The following WWOX variants were observed in gnomAD, a reference collection of about 807,000 sequenced individuals.
WWOX encodes the protein WW domain containing oxidoreductase.
Under a neutral mutation model 46.2 loss-of-function variants are expected in WWOX, and 69 were observed. The observed-to-expected ratio is 1.49, with a 90% confidence interval of 1.23 to 1.82. The LOEUF (loss-of-function observed/expected upper bound fraction) is 1.82. WWOX is among the 40% of genes most tolerant of loss of function. The probability of loss-of-function intolerance (pLI) is 0.00; values close to 1 mark genes in which losing one functional copy is unlikely to be tolerated. For synonymous variants in WWOX, 359 were observed against 202.6 expected (o/e 1.77, Z -6.56); for missense variants, 919 against 542.6 (o/e 1.69, Z -6.89).
chr16:79,045,582 C>G (rs1022302860), intron 8 of WWOX, among the ~76,000 whole-genome samples: 2 of 152,030 alleles, frequency 1.3e-5, no homozygotes, highest in Non-Finnish European at 2.9e-5. Context: ...TTTAAAGCCT[C>G]AAAACAATCT....
At position 78,669,258 on chromosome 16, in the gene WWOX, T is replaced by C. The variant is rs189363404; in HGVS notation, c.1056+236506T>C. The stretch of plus-strand genomic sequence containing the variant: ...TATGGCCCTTCCCTCACATTTGCTG[T>C]CCCAAGTGTCCCATGGCAGTGCCTA... On this transcript the variant is annotated intron_variant, in intron 8 of 8. Transcript: ENST00000566780. Among the ~76,000 whole-genome samples, 774 of 152,324 alleles carry C rather than the reference T, an allele frequency of 5.1e-3. 3 individuals are homozygous for C. Among genetic ancestry groups the C allele is most frequent in the Non-Finnish European group, 6.0e-3 (410 of 68,024 alleles).
chr16:78,567,583 G>GT (rs201892418), intron 8 of WWOX, among the ~76,000 whole-genome samples: 2,272 of 145,482 alleles, frequency 0.016, 37 homozygotes, highest in African/African-American at 0.037. Flanking sequence ...AAAGAAGTGA[G>GT]TTTTTTTTGT....
chr16:79,211,976 G>A lies in WWOX; in HGVS notation c.*180G>A, dbSNP rs963074426. 2.6e-6 allele frequency: 4 copies of A among 1,536,084 alleles called. No homozygotes were observed. The highest frequency in any genetic ancestry group is 3.5e-6 in the Non-Finnish European group (4 of 1,146,910). ...CCAATGGGAAGCAGGGAATTCCTGG[G>A]GTAAAGTATCACTTTTCTGGGGCTG... is the stretch of plus-strand genomic sequence containing the variant. On this transcript the variant is annotated 3_prime_UTR_variant, in exon 9 of 9. Coordinates refer to ENST00000566780, the MANE Select transcript of WWOX (RefSeq NM_016373.4).
In WWOX at chr16:78,119,349, G is replaced by C. The variant is rs564387939; in HGVS notation, c.409+4195G>C. ...GAGGAAGGTCCCTGCTTCGTTTTTA[G>C]ACACAGCCTATCAGTCAGCTAATTT... On this transcript the variant is annotated intron_variant, in intron 4 of 8. Coordinates refer to ENST00000566780, the MANE Select transcript of WWOX (RefSeq NM_016373.4). Among the ~76,000 whole-genome samples, 3 of 152,262 alleles carry C rather than the reference G, an allele frequency of 2.0e-5. No homozygotes were observed. In the South Asian group the frequency reaches 6.2e-4, roughly 32 times the overall value.
intron 8 of WWOX, among the ~76,000 whole-genome samples, chr16:78,995,075 A>T (rs2046963157): frequency 6.8e-6 from 1 of 147,742 alleles, no homozygotes; most frequent in Admixed American, 6.9e-5. Context: ...AGTCTGGAGG[A>T]TGCCGAGGAG....
At chr16:78,504,668 C>G (rs1877277) in intron 8 of WWOX, among the ~76,000 whole-genome samples, 127,901 of 152,144 alleles carry the variant, frequency 0.84, 56,261 homozygotes, top group Non-Finnish European at 0.96. Context: ...CTGAACACAT[C>G]TCTGTGCATC....
chr16:78,859,545 A>G (rs1309746407), intron 8 of WWOX, among the ~76,000 whole-genome samples: 1 of 152,228 alleles, frequency 6.6e-6, no homozygotes, highest in Non-Finnish European at 1.5e-5. Flanking sequence ...TGTTGCTGTT[A>G]GTAAAACTTC....
At chr16:78,874,534 A>G (rs1454612270) in intron 8 of WWOX, among the ~76,000 whole-genome samples, 4 of 152,152 alleles carry the variant, frequency 2.6e-5, no homozygotes, top group African/African-American at 9.7e-5. Context: ...CCTGGTATAC[A>G]GGAAGAACTT....
rs575129257 is a variant in WWOX, at chr16:78,508,840, C to T, written c.1056+76088C>T. On this transcript the variant is annotated intron_variant, in intron 8 of 8. Transcript: ENST00000566780. ...GGTCAGAAGGGGTGATTACTGTTTC[C>T]TCTCTCTCCTTGGTCTCTGTCAAAC... 7.2e-5 allele frequency among the ~76,000 whole-genome samples: 11 copies of T among 152,268 alleles called. No homozygotes were observed. In the East Asian group the frequency reaches 2.1e-3, roughly 29 times the overall value.
At chr16:78,153,560 T>C (rs2151723802) in intron 4 of WWOX, among the ~76,000 whole-genome samples, 1 of 152,132 alleles carries the variant, frequency 6.6e-6, no homozygotes, top group East Asian at 2.0e-4. Flanking sequence ...ATTCTACAAC[T>C]TGTTGATTGG....
At chr16:78,100,106 C>T (rs2031662323) in intron 1 of WWOX, 1 of 1,373,464 alleles carries the variant, frequency 7.3e-7, no homozygotes, top group Non-Finnish European at 9.4e-7. Flanking sequence ...CTTCCCGGCG[C>T]GCCCTCTGCT....
In WWOX at chr16:78,158,089, A is replaced by G. The variant is rs557959513; in HGVS notation, c.410-6094A>G. The stretch of plus-strand genomic sequence containing the variant: ...CAGCAACACAAGTGTGTCCAACTTG[A>G]GTTTTCCTCTGTGCTATGCTGATTT... On this transcript the variant is annotated intron_variant, in intron 4 of 8. Transcript: ENST00000566780. Among the ~76,000 whole-genome samples, 12 of 152,228 alleles carry G rather than the reference A, an allele frequency of 7.9e-5. No homozygotes were observed. The South Asian group carries it at 1.2e-3, about 16-fold the overall frequency.
chr16:79,003,110 C>G (rs898664656), intron 8 of WWOX, among the ~76,000 whole-genome samples: 3 of 152,196 alleles, frequency 2.0e-5, no homozygotes, highest in Non-Finnish European at 4.4e-5. Flanking sequence ...TTCCAGAACC[C>G]TCTTTTGCAG....
chr16:78,876,068 C>G (rs1180652303), intron 8 of WWOX, among the ~76,000 whole-genome samples: 1 of 152,166 alleles, frequency 6.6e-6, no homozygotes, highest in Non-Finnish European at 1.5e-5. Context: ...TGGACAGCTG[C>G]CAACCTGCTC....
chr16:78,757,317 T>C (rs1322162140), intron 8 of WWOX, among the ~76,000 whole-genome samples: 1 of 138,384 alleles, frequency 7.2e-6, no homozygotes, highest in Non-Finnish European at 1.6e-5. Context: ...TGTTACTTTC[T>C]TACCACCTAC....
chr16:78,787,628 G>A (rs2050490593), intron 8 of WWOX, among the ~76,000 whole-genome samples: 1 of 152,144 alleles, frequency 6.6e-6, no homozygotes, highest in Non-Finnish European at 1.5e-5. Flanking sequence ...GATCATACAT[G>A]TACTGTTTTT....
chr16:79,160,404 A>G (rs2050462343), intron 8 of WWOX, among the ~76,000 whole-genome samples: 1 of 152,058 alleles, frequency 6.6e-6, no homozygotes, highest in African/African-American at 2.4e-5. Context: ...CCCTAGACAA[A>G]TCACAGCACC....
intron 8 of WWOX, among the ~76,000 whole-genome samples, chr16:78,973,253 A>G (rs527536777): frequency 1.5e-3 from 226 of 152,268 alleles, no homozygotes; most frequent in Non-Finnish European, 2.7e-3. Flanking sequence ...TCTCGTAATG[A>G]GTAATTAAGC....
chr16:78,384,729 A>G (rs1800671988), intron 5 of WWOX, among the ~76,000 whole-genome samples: 1 of 152,180 alleles, frequency 6.6e-6, no homozygotes, highest in South Asian at 2.1e-4. Context: ...GGCATCTGCC[A>G]CTGTTACCCA....
Sources: gnomAD v4.1 joint callset for allele counts (sites outside exome capture counted in the v4.1 genomes callset) on GRCh38, gnomAD v4.1.1 for gene constraint, MANE v1.5 for transcripts, NCBI Gene and HGNC (gene_info 2026-07-23, HGNC 2026-07-21) for gene names.